The following CYRIB variants were observed in gnomAD, a reference collection of about 807,000 sequenced individuals.
CYRIB encodes the protein CYFIP related Rac1 interactor B.
CYRIB carries 8 observed loss-of-function variants against 44.2 expected under a neutral mutation model. The ratio of observed to expected loss-of-function variants is 0.18; its 90% CI spans 0.11 to 0.33. The LOEUF (loss-of-function observed/expected upper bound fraction) is 0.33, where lower values mean the gene tolerates loss of function less well. Ranked by LOEUF, CYRIB falls within the 10% of genes least tolerant of loss-of-function variation. The pLI is 1.00. For synonymous variants in CYRIB, 131 were observed against 127.2 expected (o/e 1.03, Z -0.20); for missense variants, 185 against 382.8 (o/e 0.48, Z 4.31).
chr8:129,853,080 T>TG (rs1199983347), intron 7 of CYRIB, among the ~76,000 whole-genome samples: 1 of 151,830 alleles, frequency 6.6e-6, no homozygotes, highest in Non-Finnish European at 1.5e-5. Context: ...GTTGGAACAG[T>TG]GGGAGGAGGA....
chr8:129,967,289 G>C (rs2095512384), intron 2 of CYRIB, among the ~76,000 whole-genome samples: 1 of 152,134 alleles, frequency 6.6e-6, no homozygotes, highest in African/African-American at 2.4e-5. Flanking sequence ...TACACCATAG[G>C]AATCAGCAAA....
Position 129,849,420 on chromosome 8 carries a change from T to C in CYRIB, c.714-51A>G, listed in dbSNP as rs747568608. 35 of 1,546,118 alleles carry C rather than the reference T, an allele frequency of 2.3e-5. 1 individual carries two copies. The South Asian group carries it at 4.1e-4, about 18-fold the overall frequency. On this transcript the variant is annotated intron_variant, in intron 9 of 11. Transcript: ENST00000519824. ...GAAGAAGTGCATTACAAAATTCTTT[T>C]TAAAAACACACACACACAAGAAAAA...
chr8:129,879,726 A>C, intron 2 of CYRIB: 1 of 381,188 alleles, frequency 2.6e-6, no homozygotes, highest in East Asian at 4.7e-5. Flanking sequence ...AATTCTCCCA[A>C]GACAAGTTTC....
At chr8:129,895,924 TCAC>T (rs2067834935) in intron 2 of CYRIB, among the ~76,000 whole-genome samples, 1 of 152,260 alleles carries the variant, frequency 6.6e-6, no homozygotes, top group Non-Finnish European at 1.5e-5. Context: ...TGCTAACATT[TCAC>T]CTTGGATTAT....
At chr8:129,955,272 A>G (rs929168368) in intron 2 of CYRIB, among the ~76,000 whole-genome samples, 243 of 141,174 alleles carry the variant, frequency 1.7e-3, no homozygotes, top group African/African-American at 5.9e-3. Flanking sequence ...AAAAAAAAAA[A>G]GTATGTGCTG....
At chr8:129,955,343 CAA>C (rs1254217314) in intron 2 of CYRIB, among the ~76,000 whole-genome samples, 1 of 151,346 alleles carries the variant, frequency 6.6e-6, no homozygotes, top group African/African-American at 2.4e-5. Flanking sequence ...CCCATAATAG[CAA>C]GGAATGGTAT....
At chr8:129,911,201 A>G (rs2077811611) in intron 1 of CYRIB, among the ~76,000 whole-genome samples, 1 of 152,204 alleles carries the variant, frequency 6.6e-6, no homozygotes, top group Admixed American at 6.5e-5. Context: ...ACTGTACTGC[A>G]TGATATATTT....
intron 1 of CYRIB, among the ~76,000 whole-genome samples, chr8:129,976,373 T>G (rs1451784581): frequency 6.6e-6 from 1 of 152,238 alleles, no homozygotes; most frequent in African/African-American, 2.4e-5. Flanking sequence ...ATATTCAGAA[T>G]TACTTTAATT....
At chr8:129,940,397 G>A (rs2093598582), upstream of CYRIB, among the ~76,000 whole-genome samples, 1 of 152,210 alleles carries the variant, frequency 6.6e-6, no homozygotes, top group Non-Finnish European at 1.5e-5. Context: ...CGATGGTATC[G>A]CGGAGACGCC....
intron 5 of CYRIB, among the ~76,000 whole-genome samples, 188 bp downstream of exon 7, chr8:129,862,041 T>G (rs1288851594): frequency 6.6e-6 from 1 of 152,166 alleles, no homozygotes; most frequent in African/African-American, 2.4e-5. Context: ...AAAAATGGTC[T>G]AAATGAATTA....
intron 11 of CYRIB, among the ~76,000 whole-genome samples, chr8:129,845,168 C>T (rs2039103879): frequency 6.6e-6 from 1 of 152,180 alleles, no homozygotes; most frequent in Non-Finnish European, 1.5e-5. Flanking sequence ...GGAAACTGAA[C>T]TACCCTTAAA....
intron 1 of CYRIB, among the ~76,000 whole-genome samples, chr8:129,999,850 A>C (rs2133841072): frequency 6.6e-6 from 1 of 152,144 alleles, no homozygotes; most frequent in Middle Eastern, 3.4e-3. Flanking sequence ...GCTGCTCTGG[A>C]ACTCTTGGGC....
intron 2 of CYRIB, among the ~76,000 whole-genome samples, chr8:129,897,995 A>T (rs1215210898): frequency 6.6e-6 from 1 of 151,932 alleles, no homozygotes; most frequent in East Asian, 1.9e-4. Context: ...TGAGCTCCTG[A>T]CCAGGTGATC....
chr8:129,874,389 A>G (rs1234844056), intron 3 of CYRIB, among the ~76,000 whole-genome samples: 1 of 152,124 alleles, frequency 6.6e-6, no homozygotes, highest in Non-Finnish European at 1.5e-5. Flanking sequence ...TATAACTGCT[A>G]AAATTGAAGT....
At chr8:129,871,990 A>T (rs1472762699) in intron 3 of CYRIB, among the ~76,000 whole-genome samples, 2 of 152,156 alleles carry the variant, frequency 1.3e-5, no homozygotes, top group African/African-American at 2.4e-5. Flanking sequence ...ATAAAAAAGT[A>T]AAAAAACTTT....
At chr8:129,924,753 C>G (rs1360265993) in intron 1 of CYRIB, among the ~76,000 whole-genome samples, 2 of 151,998 alleles carry the variant, frequency 1.3e-5, no homozygotes, top group Non-Finnish European at 2.9e-5. Flanking sequence ...ATCACTTAAT[C>G]CCAGGAGCTG....
chr8:129,942,768 G>C (rs2093812383), upstream of CYRIB, among the ~76,000 whole-genome samples: 1 of 152,152 alleles, frequency 6.6e-6, no homozygotes, highest in South Asian at 2.1e-4. Context: ...CTACGCTCTT[G>C]ACTTGTTTTC....
intron 3 of CYRIB, among the ~76,000 whole-genome samples, chr8:129,878,037 T>C (rs898807856): frequency 1.3e-5 from 2 of 152,176 alleles, no homozygotes; most frequent in African/African-American, 2.4e-5. Context: ...CTCAAGCTGA[T>C]TAAAAGTCAT....
At chr8:129,984,501 C>G (rs2096375631) in intron 1 of CYRIB, among the ~76,000 whole-genome samples, 1 of 152,034 alleles carries the variant, frequency 6.6e-6, no homozygotes, top group Non-Finnish European at 1.5e-5. Context: ...CACCCAAGGC[C>G]ACATGATACT....
Sources: allele counts gnomAD v4.1 joint callset (sites outside exome capture counted in the v4.1 genomes callset), GRCh38; gene constraint gnomAD v4.1.1; transcripts MANE v1.5; gene names NCBI Gene and HGNC (gene_info 2026-07-23, HGNC 2026-07-21).